ANO3: variants seen among roughly 807,000 people sequenced by gnomAD.
The protein encoded by ANO3 is anoctamin 3.
ANO3 carries 99 observed loss-of-function variants against 144.8 expected under a neutral mutation model. That is an observed-to-expected ratio of 0.68 (90% CI 0.58 to 0.81). ANO3 has a LOEUF of 0.81. Among genes scored for constraint, ANO3 ranks in the 30% least tolerant of loss-of-function variants. ANO3 has a pLI of 0.00. For missense variants in ANO3, 905 were observed against 1,202.2 expected, an observed-to-expected ratio of 0.75 and a Z score of 3.66; for synonymous variants, 414 against 392.6, an observed-to-expected ratio of 1.05 and a Z score of -0.64.
At chr11:26,273,632 GCACACACACACACACA>G (rs3220654) in intron 1 of ANO3, among the ~76,000 whole-genome samples, 4 of 140,186 alleles carry the variant, frequency 2.9e-5, no homozygotes, top group Non-Finnish European at 4.6e-5. Flanking sequence ...TGTGGATATG[GCACACACACACACACA>G]CACACACACA....
intron 1 of ANO3, among the ~76,000 whole-genome samples, chr11:26,249,294 G>T (rs191585707): frequency 7.2e-5 from 11 of 152,190 alleles, no homozygotes; most frequent in African/African-American, 1.9e-4. Context: ...GAAAGCAACA[G>T]GTTACTTAAA....
At chr11:26,415,248 A>G (rs1193489983) in intron 1 of ANO3, among the ~76,000 whole-genome samples, 1 of 152,036 alleles carries the variant, frequency 6.6e-6, no homozygotes, top group Non-Finnish European at 1.5e-5. Flanking sequence ...ATTTCAGAAG[A>G]CAGTGTGTTC....
chr11:26,507,126 C>G (rs956633798), intron 4 of ANO3, among the ~76,000 whole-genome samples: 5 of 152,270 alleles, frequency 3.3e-5, no homozygotes, highest in African/African-American at 1.2e-4. Flanking sequence ...AGTCCTGGCT[C>G]CTCATTGATC....
At chr11:26,470,721 T>C (rs893901341) in intron 4 of ANO3, among the ~76,000 whole-genome samples, 16 of 152,094 alleles carry the variant, frequency 1.1e-4, no homozygotes, top group Admixed American at 7.2e-4. Context: ...GGGGAAAATA[T>C]TTAGAATGAT....
chr11:26,393,691 A>G (rs186543042), intron 1 of ANO3, among the ~76,000 whole-genome samples: 2 of 152,324 alleles, frequency 1.3e-5, no homozygotes, highest in South Asian at 2.1e-4. Flanking sequence ...CAAAATGTAT[A>G]AACATAAGAC....
At chr11:26,432,657 G>A (rs1858157574) in intron 1 of ANO3, among the ~76,000 whole-genome samples, 1 of 152,120 alleles carries the variant, frequency 6.6e-6, no homozygotes, top group African/African-American at 2.4e-5. Context: ...ATTGAATAGG[G>A]AGTCATTTCC....
At chr11:26,525,935 A>C (rs559562426) in intron 7 of ANO3, among the ~76,000 whole-genome samples, 1 of 147,318 alleles carries the variant, frequency 6.8e-6, no homozygotes, top group East Asian at 2.0e-4. Flanking sequence ...TTTAATCGCA[A>C]GTTCACATGT....
At chr11:26,263,044 TTTCAA>T (rs1853227506) in intron 1 of ANO3, among the ~76,000 whole-genome samples, 1 of 152,240 alleles carries the variant, frequency 6.6e-6, no homozygotes, top group South Asian at 2.1e-4. Context: ...ATGTGATTTA[TTTCAA>T]TTTTGTTGCC....
intron 1 of ANO3, among the ~76,000 whole-genome samples, chr11:26,350,163 C>A (rs1451752434): frequency 6.6e-6 from 1 of 152,054 alleles, no homozygotes. Flanking sequence ...CTATTGATAC[C>A]AGGAACTCAA....
chr11:26,525,598 T>A (rs927692869), intron 6 of ANO3, 37 bp from the exon 7 acceptor site: 10 of 1,572,602 alleles, frequency 6.4e-6, no homozygotes, highest in Non-Finnish European at 7.8e-6. Context: ...TTTATTTTCC[T>A]GTGGCTTTCC....
intron 4 of ANO3, among the ~76,000 whole-genome samples, chr11:26,465,831 T>G (rs1170000467): frequency 6.6e-6 from 1 of 151,970 alleles, no homozygotes; most frequent in Non-Finnish European, 1.5e-5. Flanking sequence ...GTTGGGGTAG[T>G]GAATTTTAAT....
chr11:26,317,009 T>A (rs537356986), intron 1 of ANO3, among the ~76,000 whole-genome samples: 4 of 152,272 alleles, frequency 2.6e-5, no homozygotes, highest in African/African-American at 9.6e-5. Context: ...CCAGAGACAA[T>A]CCTTATTTAT....
chr11:26,435,476 A>G (rs534721065), intron 1 of ANO3, among the ~76,000 whole-genome samples: 118 of 152,216 alleles, frequency 7.8e-4, no homozygotes, highest in African/African-American at 2.3e-3. Flanking sequence ...AAGGTTGGGG[A>G]GATTTTCATG....
chr11:26,366,230 T>C (rs950128657), intron 1 of ANO3, among the ~76,000 whole-genome samples: 1 of 152,036 alleles, frequency 6.6e-6, no homozygotes, highest in African/African-American at 2.4e-5. Context: ...CACCTATGAA[T>C]GAGAACATGC....
At chr11:26,652,857 G>A (rs1853575407) in intron 24 of ANO3, among the ~76,000 whole-genome samples, 1 of 152,092 alleles carries the variant, frequency 6.6e-6, no homozygotes, top group Non-Finnish European at 1.5e-5. Flanking sequence ...CAAACCCACT[G>A]GTCAACTCCA....
intron 1 of ANO3, among the ~76,000 whole-genome samples, chr11:26,190,860 C>T (rs998670233): frequency 7.9e-5 from 12 of 152,182 alleles, no homozygotes; most frequent in African/African-American, 2.9e-4. Context: ...GTTGAAATCC[C>T]TTGAAATGCT....
intron 14 of ANO3, chr11:26,565,317 G>A (rs1850525792): frequency 6.2e-7 from 1 of 1,610,940 alleles, no homozygotes; most frequent in African/African-American, 1.3e-5. Flanking sequence ...TATCAAGGGG[G>A]TCACAGATGG....
chr11:26,431,772 C>T (rs1858099508), intron 1 of ANO3, among the ~76,000 whole-genome samples: 1 of 152,116 alleles, frequency 6.6e-6, no homozygotes. Context: ...TGTATATGTA[C>T]CACATTTTAC....
At chr11:26,222,145 T>G (rs778652832) in intron 1 of ANO3, among the ~76,000 whole-genome samples, 4 of 152,244 alleles carry the variant, frequency 2.6e-5, no homozygotes, top group Non-Finnish European at 5.9e-5. Flanking sequence ...AGTTATTTAT[T>G]TCCAAGATAA....
Sources: allele counts gnomAD v4.1 joint callset (sites outside exome capture counted in the v4.1 genomes callset), GRCh38; gene constraint gnomAD v4.1.1; transcripts MANE v1.5; gene names NCBI Gene and HGNC (gene_info 2026-07-23, HGNC 2026-07-21).